The following SMIM20 variants were observed in gnomAD, a reference collection of about 807,000 sequenced individuals.
SMIM20 encodes the protein small integral membrane protein 20, also known as mitochondrial translation regulation assembly intermediate of cytochrome c oxidase protein of 7 kDa.
SMIM20 carries 3 observed loss-of-function variants against 8.7 expected under a neutral mutation model. The observed-to-expected ratio is 0.34, with a 90% CI of 0.16 to 0.89. SMIM20 has a LOEUF of 0.89. Among genes scored for constraint, SMIM20 ranks in the 40% least tolerant of loss-of-function variants. The pLI is 0.49. For synonymous variants in SMIM20, 44 were observed against 33.6 expected, an observed-to-expected ratio of 1.31 and a Z score of -1.07; for missense variants, 85 against 84.8, an observed-to-expected ratio of 1.00 and a Z score of -0.01.
chr4:25,915,807 G>A (rs1425288962), intron 1 of SMIM20, among the ~76,000 whole-genome samples: 1 of 134,184 alleles, frequency 7.5e-6, no homozygotes, highest in Admixed American at 9.1e-5. Context: ...TGCCCCGCAG[G>A]ATATTTGGCT....
intron 1 of SMIM20, among the ~76,000 whole-genome samples, chr4:25,920,213 A>T (rs1228999994): frequency 3.3e-5 from 5 of 152,174 alleles, no homozygotes; most frequent in African/African-American, 1.2e-4. Flanking sequence ...TTATTGAAGT[A>T]TAGTCATGTG....
intron 1 of SMIM20, among the ~76,000 whole-genome samples, chr4:25,920,279 A>G (rs543605652): frequency 1.2e-4 from 19 of 152,204 alleles, no homozygotes; most frequent in Non-Finnish European, 2.4e-4. Context: ...CCATAAGATT[A>G]TCATGGTGCT....
At chr4:25,927,928 A>G (rs1399797313) in intron 1 of SMIM20, among the ~76,000 whole-genome samples, 1 of 152,260 alleles carries the variant, frequency 6.6e-6, no homozygotes, top group Non-Finnish European at 1.5e-5. Flanking sequence ...TATAAACTAC[A>G]TCGTTTTCTT....
At chr4:25,917,188 G>A (rs1719105841) in intron 1 of SMIM20, among the ~76,000 whole-genome samples, 1 of 151,542 alleles carries the variant, frequency 6.6e-6, no homozygotes, top group Non-Finnish European at 1.5e-5. Flanking sequence ...CTTGTCTAAG[G>A]GGGCAAGAAA....
At chr4:25,929,028 C>A in intron 2 of SMIM20, 126 bp from the exon 3 acceptor site, 1 of 1,173,272 alleles carries the variant, frequency 8.5e-7, no homozygotes, top group Non-Finnish European at 1.2e-6. Context: ...AGCCTGCTCA[C>A]ACCATCTCAA....
rs954148028 is a variant in SMIM20, at chr4:25,914,384, C to T, written c.71C>T (p.Pro24Leu). The part of the protein sequence containing the change: ...FISLIGAAFY[P>L]IYFRPLMRLE... ...TCCCTGATCGGCGCCGCCTTCTATCCCATCTACTTCCGGCCCCTAATGAGA... is the reference window on the plus strand; with the variant it reads ...TCCCTGATCGGCGCCGCCTTCTATCTCATCTACTTCCGGCCCCTAATGAGA... The change falls in exon 1 of 3, where the codon CCC (proline) becomes CTC (leucine). Residue 24 changes from proline (P) to leucine (L), a missense_variant. Coordinates refer to ENST00000506197, the MANE Select transcript of SMIM20 (RefSeq NM_001145432.3). The T allele has an allele frequency of 4.5e-6, 7 of 1,538,920 alleles. No homozygotes were observed. The African/African-American group carries it at 8.3e-5, about 18-fold the overall frequency.
chr4:25,922,396 G>C (rs999180677), intron 1 of SMIM20, among the ~76,000 whole-genome samples: 1 of 152,146 alleles, frequency 6.6e-6, no homozygotes, highest in Non-Finnish European at 1.5e-5. Flanking sequence ...GCCATATCTA[G>C]GTTTGATGTT....
intron 1 of SMIM20, among the ~76,000 whole-genome samples, chr4:25,919,556 C>T (rs532036426): frequency 1.3e-5 from 2 of 152,036 alleles, no homozygotes; most frequent in African/African-American, 4.8e-5. Context: ...CCATGTTGCC[C>T]AGGCTGGTCT....
chr4:25,917,611 T>C (rs1719112334), intron 1 of SMIM20, among the ~76,000 whole-genome samples: 1 of 152,202 alleles, frequency 6.6e-6, no homozygotes, highest in Non-Finnish European at 1.5e-5. Flanking sequence ...AGAAGAAACC[T>C]GGATTCTAGC....
chr4:25,920,221 GT>G (rs1255078526), intron 1 of SMIM20, among the ~76,000 whole-genome samples: 1 of 152,176 alleles, frequency 6.6e-6, no homozygotes. Context: ...GTATAGTCAT[GT>G]GCTGTATCAT....
intron 1 of SMIM20, 94 bp downstream of exon 1, chr4:25,914,516 C>T (rs946971836): frequency 4.7e-6 from 6 of 1,266,392 alleles, no homozygotes; most frequent in Non-Finnish European, 6.2e-6. Context: ...AAGAACTTGG[C>T]TCGAGGGTTA....
chr4:25,918,194 G>A (rs541297146), intron 1 of SMIM20, among the ~76,000 whole-genome samples: 16 of 151,732 alleles, frequency 1.1e-4, no homozygotes, highest in Non-Finnish European at 2.4e-4. Flanking sequence ...CGCCTGCCTC[G>A]GCCTCCCAAA....
At chr4:25,914,527 G>A (rs1176106953) in intron 1 of SMIM20, 105 bp downstream of exon 1, 5 of 1,155,304 alleles carry the variant, frequency 4.3e-6, no homozygotes, top group Non-Finnish European at 5.8e-6. Context: ...TCGAGGGTTA[G>A]GGAGAGCCGG....
At chr4:25,928,266 C>T (rs1711563086) in intron 1 of SMIM20, 47 bp from the exon 2 acceptor site, 1 of 1,531,174 alleles carries the variant, frequency 6.5e-7, no homozygotes, top group Non-Finnish European at 8.8e-7. Context: ...ATATTTCTCT[C>T]TCCCCGCCCC....
intron 1 of SMIM20, among the ~76,000 whole-genome samples, chr4:25,918,798 G>C (rs1268699431): frequency 2.0e-5 from 3 of 151,442 alleles, no homozygotes; most frequent in African/African-American, 7.3e-5. Context: ...ACAGGCATGA[G>C]CCACTGCTCC....
rs1252198807 is a variant in SMIM20, at chr4:25,917,933, G to GT, written c.109+3523dup. ...TTGCTTTGGGGCCTGGTACAGGTCA[G>GT]TTTTTTTTTTTTGTTTTTTTTTTTT... On this transcript the variant is annotated intron_variant, in intron 1 of 2. Coordinates refer to ENST00000506197, the MANE Select transcript of SMIM20 (RefSeq NM_001145432.3). Among the ~76,000 whole-genome samples the GT allele has an allele frequency of 7.1e-3, 983 of 138,914 alleles. 6 individuals are homozygous for GT. The highest frequency in any genetic ancestry group is 0.019 in the African/African-American group (725 of 37,778). 91.1% of individuals were successfully genotyped at this position (138,914 alleles called of 152,430 possible).
chr4:25,914,242 C>T lies in SMIM20; in HGVS notation c.-72C>T, dbSNP rs570328329. On this transcript the variant is annotated 5_prime_UTR_variant, in exon 1 of 3. Coordinates refer to ENST00000506197, the MANE Select transcript of SMIM20 (RefSeq NM_001145432.3). ...CACCTCTTCCGAGCGGGGTCACGGC[C>T]CGGCCGTCGGTAACCTGGTTTCCGA... 22 of 1,509,916 alleles carry T rather than the reference C, an allele frequency of 1.5e-5. No homozygotes were observed. The East Asian group carries it at 5.5e-4, about 38-fold the overall frequency. The allele number at this position is 1,509,916 out of a possible 1,614,324, so 93.5% of individuals were successfully genotyped here. A position where few individuals can be genotyped will look rare whatever the true frequency, so the allele number is the denominator to read the frequency against.
intron 1 of SMIM20, among the ~76,000 whole-genome samples, chr4:25,922,445 T>A (rs1421686069): frequency 6.6e-6 from 1 of 152,172 alleles, no homozygotes; most frequent in African/African-American, 2.4e-5. Context: ...GCGTCTATTC[T>A]CTTTGTGACA....
intron 2 of SMIM20, 137 bp from the exon 3 acceptor site, chr4:25,929,017 C>T: frequency 1.0e-6 from 1 of 1,002,788 alleles, no homozygotes; most frequent in South Asian, 2.0e-5. Flanking sequence ...AAGGTTCCGG[C>T]AGCCTGCTCA....
Sources: allele counts gnomAD v4.1 joint callset (sites outside exome capture counted in the v4.1 genomes callset), GRCh38; gene constraint gnomAD v4.1.1; transcripts MANE v1.5; gene names NCBI Gene and HGNC (gene_info 2026-07-23, HGNC 2026-07-21).